TRPS1: variants seen among roughly 807,000 people sequenced by gnomAD.
The protein encoded by TRPS1 is transcriptional repressor GATA binding 1, also known as zinc finger transcription factor Trps1.
Under a neutral mutation model 101.2 loss-of-function variants are expected in TRPS1, and 6 were observed. The ratio of observed to expected loss-of-function variants is 0.06; its 90% CI spans 0.03 to 0.12. The LOEUF (loss-of-function observed/expected upper bound fraction) is 0.12, where lower values mean the gene tolerates loss of function less well. TRPS1 is among the 10% of genes least tolerant of loss of function. The pLI is 1.00. For synonymous variants in TRPS1, 578 were observed against 589.8 expected, an observed-to-expected ratio of 0.98 and a Z score of 0.29; for missense variants, 1,363 against 1,567.0, an observed-to-expected ratio of 0.87 and a Z score of 2.20.
At chr8:115,462,818 T>C (rs746620005) in intron 5 of TRPS1, among the ~76,000 whole-genome samples, 1 of 152,148 alleles carries the variant, frequency 6.6e-6, no homozygotes, top group African/African-American at 2.4e-5. Context: ...ATTCATTTGA[T>C]GCGTCCTTGA....
At chr8:115,649,185 A>C (rs1324785034) in intron 1 of TRPS1, among the ~76,000 whole-genome samples, 1 of 152,250 alleles carries the variant, frequency 6.6e-6, no homozygotes, top group East Asian at 1.9e-4. Context: ...TAAATGTCTC[A>C]TATATAAAGG....
At chr8:115,628,972 G>C (rs1328055798) in intron 1 of TRPS1, among the ~76,000 whole-genome samples, 2 of 151,846 alleles carry the variant, frequency 1.3e-5, no homozygotes, top group Non-Finnish European at 2.9e-5. Context: ...TGGAGAGGGT[G>C]ACGTGTGTCC....
Position 115,603,876 on chromosome 8 carries a change from T to C in TRPS1, c.2093A>G (p.Tyr698Cys), listed in dbSNP as rs1361097924. Residue 698 changes from tyrosine to cysteine, a missense_variant, in exon 4 of 7, where the codon TAC (tyrosine) becomes TGC (cysteine). Tyr to Cys is a radical substitution (Grantham distance 194). Coordinates refer to ENST00000395715, the MANE Select transcript of TRPS1 (RefSeq NM_014112.5). ...TQVEEEISRHYRRAHSCYKCR... is the reference protein window; with the variant it reads ...TQVEEEISRHCRRAHSCYKCR... ...GACCCCACCCCCCATGCCTCACCTG[T>C]AGTGTCGGGAAATCTCTTCTTCCAC... 3 of 1,613,958 alleles carry C rather than the reference T, an allele frequency of 1.9e-6. No homozygotes were observed. The highest frequency in any genetic ancestry group is 2.2e-5 in the East Asian group (1 of 44,858).
intron 5 of TRPS1, among the ~76,000 whole-genome samples, chr8:115,484,829 A>G (rs1248854572): frequency 6.6e-6 from 1 of 152,196 alleles, no homozygotes; most frequent in Admixed American, 6.6e-5. Context: ...TCTTGAATGA[A>G]GAACACAATG....
intron 2 of TRPS1, among the ~76,000 whole-genome samples, chr8:115,621,872 T>G (rs1330757466): frequency 1.3e-5 from 2 of 151,076 alleles, no homozygotes; most frequent in African/African-American, 4.9e-5. Context: ...GCCAAGATCA[T>G]GCCATTGCAC....
intron 5 of TRPS1, among the ~76,000 whole-genome samples, chr8:115,488,692 A>G (rs1814948479): frequency 6.6e-6 from 1 of 151,628 alleles, no homozygotes; most frequent in African/African-American, 2.4e-5. Context: ...ACCAAAAAAC[A>G]AAAAAAACAA....
At chr8:115,523,740 G>A (rs774316001) in intron 5 of TRPS1, among the ~76,000 whole-genome samples, 8 of 152,084 alleles carry the variant, frequency 5.3e-5, no homozygotes, top group Non-Finnish European at 7.4e-5. Flanking sequence ...AACAATATCC[G>A]TTGATACATG....
rs1187055013 is a variant in TRPS1, at chr8:115,667,890, GC to G, written c.-122+654del. 9.1e-6 allele frequency: 14 copies of G among 1,535,550 alleles called. No individual in the cohort carries two copies. In the African/African-American group the frequency reaches 1.2e-4, roughly 14 times the overall value. ...CCAACTTACTACTCTGCATGCTGGT[GC>G]CTAGTCTGCGCCCCGCTTGTCACGA... On this transcript the variant is annotated intron_variant, in intron 1 of 6. Transcript: ENST00000395715.
intron 5 of TRPS1, among the ~76,000 whole-genome samples, chr8:115,499,417 T>TA (rs1187131809): frequency 1.3e-5 from 2 of 152,206 alleles, no homozygotes; most frequent in African/African-American, 4.8e-5. Flanking sequence ...TGTGTGTCTT[T>TA]ACTGGGCTCC....
At chr8:115,620,459 A>G (rs1408776434) in intron 2 of TRPS1, among the ~76,000 whole-genome samples, 8 of 151,684 alleles carry the variant, frequency 5.3e-5, no homozygotes, top group Admixed American at 2.0e-4. Context: ...TATAACATGT[A>G]CACATGTTAT....
chr8:115,422,206 G>GA (rs34630241), intron 5 of TRPS1, among the ~76,000 whole-genome samples: 1,487 of 148,632 alleles, frequency 0.01, 26 homozygotes, highest in African/African-American at 0.031. Flanking sequence ...GTTATTTTTA[G>GA]AAAAAAAAAA....
At chr8:115,523,693 A>G (rs748958523) in intron 5 of TRPS1, among the ~76,000 whole-genome samples, 4 of 152,158 alleles carry the variant, frequency 2.6e-5, no homozygotes, top group Non-Finnish European at 2.9e-5. Flanking sequence ...GCCAACCTGA[A>G]ACAAAACAAA....
At chr8:115,667,754 A>T in intron 1 of TRPS1, 1 of 1,351,812 alleles carries the variant, frequency 7.4e-7, no homozygotes, top group East Asian at 2.5e-5. Flanking sequence ...AAAAGTTTGA[A>T]GCCTGCATTT....
rs1563708857 is a variant in TRPS1 at position 115,411,524 on chromosome 8, T to C, written c.*2499A>G. The C allele has an allele frequency of 6.6e-6, 1 of 152,482 alleles. No individual in the cohort carries two copies. The highest frequency in any genetic ancestry group is 1.5e-5 in the Non-Finnish European group (1 of 67,980). 9.4% of individuals were successfully genotyped at this position (152,482 alleles called of 1,614,324 possible). On this transcript the variant is annotated 3_prime_UTR_variant, in exon 7 of 7. Coordinates refer to ENST00000395715, the MANE Select transcript of TRPS1 (RefSeq NM_014112.5). ...TTCTTTTTACTAAGAAAATTAAATATTGTTGTTTGGGGGAATCTCCTCTCT... is the reference window on the plus strand; with the variant it reads ...TTCTTTTTACTAAGAAAATTAAATACTGTTGTTTGGGGGAATCTCCTCTCT...
At chr8:115,530,919 A>G (rs967313936) in intron 5 of TRPS1, among the ~76,000 whole-genome samples, 2 of 151,578 alleles carry the variant, frequency 1.3e-5, no homozygotes, top group Admixed American at 1.3e-4. Context: ...ATCACACACC[A>G]GGGCCTGTCA....
rs1281470944 is a variant in TRPS1 at position 115,428,442 on chromosome 8, G to C, written c.2701-9990C>G. On this transcript the variant is annotated intron_variant, in intron 5 of 6. Transcript: ENST00000395715. Reference sequence around the variant, plus strand: ...AACATTTTTTATAGGCTATCCAATTGAGAGTATTCAGTACAAGTCAGATGT... The same window carrying C: ...AACATTTTTTATAGGCTATCCAATTCAGAGTATTCAGTACAAGTCAGATGT... 2.0e-5 allele frequency among the ~76,000 whole-genome samples: 3 copies of C among 152,148 alleles called. No homozygotes were observed. In the East Asian group the frequency reaches 5.8e-4, roughly 29 times the overall value.
At position 115,643,265 on chromosome 8, in the gene TRPS1, T is replaced by C. The variant is rs75265884; in HGVS notation, c.-121-19507A>G. On this transcript the variant is annotated intron_variant, in intron 1 of 6. Coordinates refer to ENST00000395715, the MANE Select transcript of TRPS1 (RefSeq NM_014112.5). Reference sequence around the variant, plus strand: ...AATGAAGCTTCCCACATCAACTGACTCTTCTTTCATGAATGATTTGTTTGT... The same window carrying C: ...AATGAAGCTTCCCACATCAACTGACCCTTCTTTCATGAATGATTTGTTTGT... Among the ~76,000 whole-genome samples, 949 of 152,304 alleles carry C rather than the reference T, an allele frequency of 6.2e-3. 6 individuals carry two copies. Among genetic ancestry groups the C allele is most frequent in the African/African-American group, 0.022 (900 of 41,554 alleles).
At position 115,668,116 on chromosome 8, in the gene TRPS1, C is replaced by A. The variant is rs933183481; in HGVS notation, c.-122+429G>T. The A allele has an allele frequency of 1.1e-4, 64 of 599,798 alleles. No homozygotes were observed. The South Asian group carries it at 1.2e-3, about 12-fold the overall frequency. The allele number at this position is 599,798 out of a possible 1,614,324, so 37.2% of individuals were successfully genotyped here. A position where few individuals can be genotyped will look rare whatever the true frequency, so the allele number is the denominator to read the frequency against. On this transcript the variant is annotated intron_variant, in intron 1 of 6. Transcript: ENST00000395715. ...ATGGGGATTTGTTTTTCCTCCTCCCCGGCGGCTGAACTTGACCCTGCTGAC... is the reference window on the plus strand; with the variant it reads ...ATGGGGATTTGTTTTTCCTCCTCCCAGGCGGCTGAACTTGACCCTGCTGAC...
intron 1 of TRPS1, among the ~76,000 whole-genome samples, chr8:115,653,833 G>A (rs1238890694): frequency 6.6e-6 from 1 of 152,164 alleles, no homozygotes; most frequent in African/African-American, 2.4e-5. Context: ...GGTTTCCAGG[G>A]CCTGACACAC....
Sources: allele counts gnomAD v4.1 joint callset (sites outside exome capture counted in the v4.1 genomes callset), GRCh38; gene constraint gnomAD v4.1.1; transcripts MANE v1.5; gene names NCBI Gene and HGNC (gene_info 2026-07-23, HGNC 2026-07-21).